The following GSG1L variants were observed in gnomAD, a reference collection of about 807,000 sequenced individuals.
GSG1L encodes GSG1 like.
In GSG1L, 24 loss-of-function variants were observed where a neutral mutation model predicts 42.1. That is an observed-to-expected ratio of 0.57 (90% CI 0.41 to 0.80). GSG1L has a LOEUF of 0.80. Ranked by LOEUF, GSG1L falls within the 30% of genes least tolerant of loss-of-function variation. The pLI is 0.00. For missense variants in GSG1L, 445 were observed against 472.2 expected (o/e 0.94, Z 0.53); for synonymous variants, 215 against 203.5 (o/e 1.06, Z -0.48).
At chr16:27,960,905 A>T (rs1370638396) in intron 2 of GSG1L, among the ~76,000 whole-genome samples, 1 of 152,204 alleles carries the variant, frequency 6.6e-6, no homozygotes, top group Non-Finnish European at 1.5e-5. Flanking sequence ...AAGCCCTAAA[A>T]GTAAAATCAC....
chr16:27,827,230 G>C lies in GSG1L; in HGVS notation c.830+1559C>G, dbSNP rs570410770. 3.3e-5 allele frequency among the ~76,000 whole-genome samples: 5 copies of C among 152,322 alleles called. No homozygotes were observed. In the East Asian group the frequency reaches 9.6e-4, roughly 29 times the overall value. On this transcript the variant is annotated intron_variant, in intron 5 of 6. Transcript: ENST00000447459. ...TGGTTGACTCTGACCTAGGGCTGCT[G>C]TTCTATATCCCCTCTCTCAAGAGGA...
At chr16:27,853,083 A>C (rs140758137) in intron 3 of GSG1L, among the ~76,000 whole-genome samples, 27 of 152,336 alleles carry the variant, frequency 1.8e-4, no homozygotes, top group African/African-American at 6.3e-4. Context: ...CTCCCGCGGA[A>C]AAAAAACTTG....
At chr16:27,935,948 A>G (rs2084711313) in intron 2 of GSG1L, among the ~76,000 whole-genome samples, 1 of 149,408 alleles carries the variant, frequency 6.7e-6, no homozygotes, top group African/African-American at 2.5e-5. Flanking sequence ...TAGCAACCCG[A>G]TCCGTATCTC....
intron 4 of GSG1L, among the ~76,000 whole-genome samples, chr16:27,838,893 G>A (rs1455973687): frequency 2.0e-5 from 3 of 152,188 alleles, no homozygotes; most frequent in Non-Finnish European, 4.4e-5. Context: ...TAGAATAAAG[G>A]AGGCCGCAGC....
rs189091138 is a variant in GSG1L at position 27,836,036 on chromosome 16, A to C, written c.663-7080T>G. Among the ~76,000 whole-genome samples, 803 of 152,254 alleles carry C rather than the reference A, an allele frequency of 5.3e-3. 7 individuals are homozygous for C. Among genetic ancestry groups the C allele is most frequent in the Non-Finnish European group, 8.6e-3 (584 of 68,000 alleles). On this transcript the variant is annotated intron_variant, in intron 4 of 6. Transcript: ENST00000447459. ...CTTTTAGGGTAGGTCTGCTGGCAAC[A>C]AATGTTCTTAGTTTTTCTTCATCTG...
rs554137880 is a variant in GSG1L at position 27,828,598 on chromosome 16, T to C, written c.830+191A>G. Among the ~76,000 whole-genome samples, 61 of 152,300 alleles carry C rather than the reference T, an allele frequency of 4.0e-4. 3 individuals carry two copies. The South Asian group carries it at 0.012, about 31-fold the overall frequency. On this transcript the variant is annotated intron_variant, in intron 5 of 6. Coordinates refer to ENST00000447459, the MANE Select transcript of GSG1L (RefSeq NM_001109763.2). ...AAGCCCAAGGCAACCTCATGACCTA[T>C]AAAACATTAAAATATCCCAGAAATT...
At chr16:28,035,176 CTGTTTT>C (rs532194259) in intron 1 of GSG1L, among the ~76,000 whole-genome samples, 27 of 152,170 alleles carry the variant, frequency 1.8e-4, no homozygotes, top group South Asian at 8.3e-4. Flanking sequence ...CCAGCTAATG[CTGTTTT>C]TGTTTTTGTT....
At position 28,063,381 on chromosome 16, in the gene GSG1L, A is replaced by C; in HGVS notation, c.44T>G (p.Leu15Arg). ...GGCGAACAGCAGCGCCAGCAGGTTC[A>C]GGGCCACGGCCAGGAGCGCTCGGCC... is the stretch of plus-strand genomic sequence containing the variant. Reference protein sequence around the residue: ...RRGRALLAVALNLLALLFATT... With the variant: ...RRGRALLAVARNLLALLFATT... Residue 15 changes from leucine to arginine, a missense_variant, in exon 1 of 7, where the codon CTG (leucine) becomes CGG (arginine). By Grantham distance (102) the Leu-to-Arg change is moderately radical. Coordinates refer to ENST00000447459, the MANE Select transcript of GSG1L (RefSeq NM_001109763.2). This position sits in a 1 kb window ranked among gnomAD's most constrained non-coding sequence, Gnocchi z 5.8. 2 of 1,385,824 alleles carry C rather than the reference A, an allele frequency of 1.4e-6. No homozygotes were observed. The highest frequency in any genetic ancestry group is 1.9e-6 in the Non-Finnish European group (2 of 1,061,164). 85.8% of individuals were successfully genotyped at this position (1,385,824 alleles called of 1,614,324 possible).
intron 2 of GSG1L, among the ~76,000 whole-genome samples, chr16:27,921,059 CA>C (rs1344490415): frequency 6.6e-6 from 1 of 152,160 alleles, no homozygotes; most frequent in Non-Finnish European, 1.5e-5. Flanking sequence ...ACCTGGTGAA[CA>C]AACATTTGCT....
At chr16:27,969,581 C>T (rs2085170117) in intron 1 of GSG1L, among the ~76,000 whole-genome samples, 1 of 152,182 alleles carries the variant, frequency 6.6e-6, no homozygotes, top group African/African-American at 2.4e-5. Flanking sequence ...AATAATATTA[C>T]ATGATGTGGA....
At chr16:27,794,808 G>A (rs2082800028) in intron 6 of GSG1L, among the ~76,000 whole-genome samples, 1 of 152,140 alleles carries the variant, frequency 6.6e-6, no homozygotes, top group African/African-American at 2.4e-5. Flanking sequence ...CCATGATTCT[G>A]TTCCATGGCT....
At chr16:28,048,310 G>C (rs560433930) in intron 1 of GSG1L, among the ~76,000 whole-genome samples, 1 of 151,888 alleles carries the variant, frequency 6.6e-6, no homozygotes, top group Non-Finnish European at 1.5e-5. Context: ...GAATGTACCT[G>C]CTTTTTCAAA....
intron 1 of GSG1L, among the ~76,000 whole-genome samples, chr16:27,991,445 G>A (rs2085455144): frequency 1.4e-5 from 2 of 146,936 alleles, no homozygotes; most frequent in Admixed American, 1.4e-4. Context: ...TCACTCTATT[G>A]CCCAGGCTGG....
intron 1 of GSG1L, among the ~76,000 whole-genome samples, chr16:27,964,624 A>G (rs1020967018): frequency 1.5e-4 from 23 of 152,348 alleles, no homozygotes; most frequent in African/African-American, 5.5e-4. Context: ...TTGCAACCAC[A>G]TGGATGGAAT....
intron 1 of GSG1L, among the ~76,000 whole-genome samples, chr16:27,984,470 T>C (rs2085358558): frequency 6.6e-6 from 1 of 152,206 alleles, no homozygotes; most frequent in Non-Finnish European, 1.5e-5. Context: ...TCACTGCTTC[T>C]GTGGGCTGCC....
intron 1 of GSG1L, among the ~76,000 whole-genome samples, chr16:28,054,506 G>A (rs1596736400): frequency 6.6e-6 from 1 of 152,082 alleles, no homozygotes; most frequent in Non-Finnish European, 1.5e-5. Context: ...GCAGCCACCT[G>A]TAATCCCAGC....
At chr16:27,819,164 C>T (rs1211202221) in intron 5 of GSG1L, among the ~76,000 whole-genome samples, 1 of 151,764 alleles carries the variant, frequency 6.6e-6, no homozygotes, top group African/African-American at 2.4e-5. Flanking sequence ...GCAGGAAAAT[C>T]GCTTAAACCG....
chr16:27,895,926 A>C (rs773920220), intron 2 of GSG1L, among the ~76,000 whole-genome samples: 1 of 152,144 alleles, frequency 6.6e-6, no homozygotes, highest in Non-Finnish European at 1.5e-5. Flanking sequence ...AGGCCTGGAG[A>C]TGACTGTTTT....
At chr16:27,804,293 C>T (rs936693626) in intron 6 of GSG1L, among the ~76,000 whole-genome samples, 1 of 152,140 alleles carries the variant, frequency 6.6e-6, no homozygotes, top group Non-Finnish European at 1.5e-5. Flanking sequence ...GGTCTCCTGG[C>T]TATTCCACAA....
Sources: gnomAD v4.1 joint callset for allele counts (sites outside exome capture counted in the v4.1 genomes callset) on GRCh38, gnomAD v4.1.1 for gene constraint, Gnocchi (gnomAD v3.1) non-coding constraint, MANE v1.5 for transcripts, NCBI Gene and HGNC (gene_info 2026-07-23, HGNC 2026-07-21) for gene names.